Variants in SPON1 observed in about 807,000 individuals in gnomAD.
The protein encoded by SPON1 is spondin 1.
Under a neutral mutation model 111.7 loss-of-function variants are expected in SPON1, and 52 were observed. The ratio of observed to expected loss-of-function variants is 0.47; its 90% CI spans 0.37 to 0.59. The LOEUF is 0.59. Among genes scored for constraint, SPON1 ranks in the 20% least tolerant of loss-of-function variants. The pLI is 0.00. For missense variants in SPON1, 957 were observed against 1,068.5 expected (o/e 0.90, Z 1.46); for synonymous variants, 410 against 395.8 (o/e 1.04, Z -0.43).
chr11:14,169,723 C>G lies in SPON1; in HGVS notation c.825+34155C>G, dbSNP rs150752072. ...TCAGCTTTCTACATATGGCTAGCCA[C>G]TTTTCCCAGCACAATTTATTAAACA... On this transcript the variant is annotated intron_variant, in intron 6 of 15. Coordinates refer to ENST00000576479, the MANE Select transcript of SPON1 (RefSeq NM_006108.4). 5.6e-3 allele frequency among the ~76,000 whole-genome samples: 855 copies of G among 152,230 alleles called. 10 individuals are homozygous for G. The highest frequency in any genetic ancestry group is 0.019 in the African/African-American group (797 of 41,524).
chr11:14,073,803 C>T (rs1468057544), intron 3 of SPON1, among the ~76,000 whole-genome samples: 3 of 152,160 alleles, frequency 2.0e-5, no homozygotes, highest in Non-Finnish European at 4.4e-5. Context: ...ATGACAGTGT[C>T]CTGGAACCTC....
chr11:14,031,343 T>C (rs1399074936), intron 2 of SPON1, among the ~76,000 whole-genome samples: 1 of 152,208 alleles, frequency 6.6e-6, no homozygotes, highest in East Asian at 1.9e-4. Context: ...AAGGATGCTA[T>C]AACTTTTGTG....
At chr11:13,988,368 G>C (rs1050324753) in intron 2 of SPON1, among the ~76,000 whole-genome samples, 2 of 152,116 alleles carry the variant, frequency 1.3e-5, no homozygotes, top group African/African-American at 2.4e-5. Flanking sequence ...TGTTATTGGC[G>C]TATAGGAATG....
chr11:14,253,961 A>G (rs1430545007), intron 7 of SPON1, among the ~76,000 whole-genome samples: 1 of 152,166 alleles, frequency 6.6e-6, no homozygotes, highest in African/African-American at 2.4e-5. Flanking sequence ...GTGTGACACA[A>G]AGAGAGAGGT....
intron 11 of SPON1, 116 bp downstream of exon 11, chr11:14,258,014 G>C (rs1400817865): frequency 3.0e-6 from 3 of 998,676 alleles, no homozygotes; most frequent in African/African-American, 3.3e-5. Context: ...GTAGATGTCA[G>C]TGGGGTCCAC....
At chr11:14,150,573 T>C (rs1390584390) in intron 6 of SPON1, among the ~76,000 whole-genome samples, 1 of 152,070 alleles carries the variant, frequency 6.6e-6, no homozygotes, top group African/African-American at 2.4e-5. Context: ...CCTGTAAATA[T>C]GTACAAAACT....
intron 2 of SPON1, among the ~76,000 whole-genome samples, chr11:14,027,244 G>A (rs16913546): frequency 0.06 from 9,116 of 152,204 alleles, 371 homozygotes; most frequent in South Asian, 0.18. Flanking sequence ...AGTTTTCTTC[G>A]ACTGACCTCA....
chr11:14,206,689 A>C (rs1848520519), intron 6 of SPON1, among the ~76,000 whole-genome samples: 1 of 152,148 alleles, frequency 6.6e-6, no homozygotes, highest in Admixed American at 6.6e-5. Flanking sequence ...AGGTGAAGAA[A>C]CTCTACAAGG....
At chr11:14,011,131 A>G (rs1848401563) in intron 2 of SPON1, among the ~76,000 whole-genome samples, 1 of 152,190 alleles carries the variant, frequency 6.6e-6, no homozygotes, top group Admixed American at 6.5e-5. Context: ...TGGGTAGCAC[A>G]TGCAACCCCA....
chr11:14,011,707 A>T (rs1848406368), intron 2 of SPON1, among the ~76,000 whole-genome samples: 1 of 152,044 alleles, frequency 6.6e-6, no homozygotes, highest in Non-Finnish European at 1.5e-5. Context: ...GGAGTGAGGG[A>T]GGTTTGAGGA....
intron 5 of SPON1, among the ~76,000 whole-genome samples, chr11:14,133,304 G>A (rs1344613229): frequency 2.0e-5 from 3 of 152,198 alleles, no homozygotes; most frequent in African/African-American, 7.2e-5. Context: ...AACACACTAG[G>A]CACAGCACTA....
At chr11:14,045,056 TGGGATCATAA>T (rs1424415227) in intron 3 of SPON1, among the ~76,000 whole-genome samples, 1 of 152,198 alleles carries the variant, frequency 6.6e-6, no homozygotes, top group Non-Finnish European at 1.5e-5. Context: ...TGCCAAGAAA[TGGGATCATAA>T]GGGATGCACA....
At chr11:14,187,668 G>A (rs1374947335) in intron 6 of SPON1, among the ~76,000 whole-genome samples, 1 of 152,110 alleles carries the variant, frequency 6.6e-6, no homozygotes, top group Non-Finnish European at 1.5e-5. Flanking sequence ...GGGCTGGAGT[G>A]CAGTGGTGCA....
intron 6 of SPON1, among the ~76,000 whole-genome samples, chr11:14,149,694 A>G (rs1554929718): frequency 6.6e-6 from 1 of 152,164 alleles, no homozygotes; most frequent in Non-Finnish European, 1.5e-5. Context: ...ATATGTTTAA[A>G]TATACAAATA....
chr11:13,966,767 C>T (rs1421482652), intron 1 of SPON1, among the ~76,000 whole-genome samples: 1 of 152,176 alleles, frequency 6.6e-6, no homozygotes, highest in Admixed American at 6.5e-5. Context: ...GGTTTCAGGT[C>T]CTCCTTGGTC....
chr11:14,199,135 C>T (rs1187420406), intron 6 of SPON1, among the ~76,000 whole-genome samples: 1 of 152,016 alleles, frequency 6.6e-6, no homozygotes. Context: ...ATGTGGGATT[C>T]GGAAATGAAT....
chr11:14,264,675 T>G (rs563865092), intron 15 of SPON1, among the ~76,000 whole-genome samples: 13 of 152,312 alleles, frequency 8.5e-5, no homozygotes, highest in South Asian at 6.2e-4. Flanking sequence ...TACGGTACAT[T>G]CCTCCATGAC....
intron 6 of SPON1, among the ~76,000 whole-genome samples, chr11:14,165,779 G>C (rs1347373284): frequency 6.6e-6 from 1 of 152,134 alleles, no homozygotes; most frequent in African/African-American, 2.4e-5. Context: ...TGATAGAACT[G>C]ACTTGTTTAC....
intron 5 of SPON1, 146 bp downstream of exon 5, chr11:14,080,167 A>T (rs1848950682): frequency 1.2e-6 from 1 of 854,244 alleles, no homozygotes; most frequent in Admixed American, 2.4e-5. Flanking sequence ...ATGTATATTA[A>T]TCAAGACAGG....
Sources: gnomAD v4.1 joint callset for allele counts (sites outside exome capture counted in the v4.1 genomes callset) on GRCh38, gnomAD v4.1.1 for gene constraint, MANE v1.5 for transcripts, NCBI Gene and HGNC (gene_info 2026-07-23, HGNC 2026-07-21) for gene names.